The following CCDC178 variants were observed in gnomAD, a reference collection of about 807,000 sequenced individuals.
The protein encoded by CCDC178 is coiled-coil domain-containing protein 178.
Under a neutral mutation model 117.4 loss-of-function variants are expected in CCDC178, and 126 were observed. The observed-to-expected ratio is 1.07, with a 90% CI of 0.93 to 1.24. The LOEUF (loss-of-function observed/expected upper bound fraction) is 1.24. Among genes scored for constraint, CCDC178 ranks in the 50% most tolerant of loss-of-function variants. The probability of loss-of-function intolerance (pLI) is 0.00; values close to 1 mark genes in which losing one functional copy is unlikely to be tolerated. For synonymous variants in CCDC178, 283 were observed against 313.4 expected (o/e 0.90, Z 1.02); for missense variants, 1,030 against 986.9 (o/e 1.04, Z -0.59).
At chr18:33,254,849 C>T (rs193296297) in intron 14 of CCDC178, among the ~76,000 whole-genome samples, 2 of 152,050 alleles carry the variant, frequency 1.3e-5, no homozygotes, top group Non-Finnish European at 2.9e-5. Flanking sequence ...TAGGCTAGAA[C>T]ATAAGGATTG....
chr18:33,149,609 T>C (rs1005116942), intron 20 of CCDC178, among the ~76,000 whole-genome samples: 7 of 152,124 alleles, frequency 4.6e-5, no homozygotes, highest in African/African-American at 1.7e-4. Context: ...ACACTGAAAG[T>C]AGAGGAATAA....
At chr18:33,354,899 C>T (rs368656862) in intron 7 of CCDC178, among the ~76,000 whole-genome samples, 3 of 152,134 alleles carry the variant, frequency 2.0e-5, no homozygotes, top group East Asian at 1.9e-4. Flanking sequence ...CATGAGCCAC[C>T]GCACCCAGCC....
At chr18:33,371,651 G>C (rs955561822) in intron 5 of CCDC178, among the ~76,000 whole-genome samples, 2 of 151,842 alleles carry the variant, frequency 1.3e-5, no homozygotes, top group Admixed American at 1.3e-4. Flanking sequence ...CATTTTGAAT[G>C]CTCCTTCATA....
At chr18:33,050,038 G>A (rs1217281393) in intron 21 of CCDC178, among the ~76,000 whole-genome samples, 1 of 152,016 alleles carries the variant, frequency 6.6e-6, no homozygotes. Context: ...CTGAGATCCT[G>A]CCACTGCACT....
At chr18:33,223,849 C>T (rs527990679) in intron 17 of CCDC178, among the ~76,000 whole-genome samples, 1 of 152,056 alleles carries the variant, frequency 6.6e-6, no homozygotes, top group Admixed American at 6.6e-5. Context: ...GTTATACATT[C>T]TTTGCAGGAG....
At chr18:32,946,511 C>T (rs1235005766) in intron 22 of CCDC178, among the ~76,000 whole-genome samples, 1 of 152,078 alleles carries the variant, frequency 6.6e-6, no homozygotes, top group Non-Finnish European at 1.5e-5. Context: ...TTGTTATTTT[C>T]TACAAAAGTT....
chr18:33,262,532 A>C (rs1202156017), intron 14 of CCDC178, among the ~76,000 whole-genome samples: 1 of 152,298 alleles, frequency 6.6e-6, no homozygotes, highest in East Asian at 1.9e-4. Flanking sequence ...ACAGTCCTCA[A>C]CTGAGTCAAA....
chr18:33,432,843 T>A (rs2144975094), intron 2 of CCDC178, among the ~76,000 whole-genome samples: 1 of 152,340 alleles, frequency 6.6e-6, no homozygotes, highest in East Asian at 1.9e-4. Context: ...TACTGTCTGT[T>A]AAGGAACTAA....
chr18:33,268,031 T>A lies in CCDC178; in HGVS notation c.1177-734A>T, dbSNP rs1405908290. Reference sequence around the variant, plus strand: ...CTCTTATTAAAAATCCTAAATCAAGTTTCACATGAAAAGGATGATTTGTTA... The same window carrying A: ...CTCTTATTAAAAATCCTAAATCAAGATTCACATGAAAAGGATGATTTGTTA... On this transcript the variant is annotated intron_variant, in intron 12 of 22. Coordinates refer to ENST00000383096, the MANE Select transcript of CCDC178 (RefSeq NM_001105528.4). 3.3e-5 allele frequency among the ~76,000 whole-genome samples: 5 copies of A among 151,632 alleles called. No homozygotes were observed. In the South Asian group the frequency reaches 8.3e-4, roughly 25 times the overall value.
At chr18:32,951,324 G>T (rs1490441885) in intron 22 of CCDC178, among the ~76,000 whole-genome samples, 2 of 152,104 alleles carry the variant, frequency 1.3e-5, no homozygotes, top group African/African-American at 2.4e-5. Flanking sequence ...ACCCAAAACT[G>T]GGTAATTTAT....
chr18:33,205,026 C>G (rs1445720423), intron 20 of CCDC178, among the ~76,000 whole-genome samples: 1 of 151,862 alleles, frequency 6.6e-6, no homozygotes, highest in African/African-American at 2.4e-5. Flanking sequence ...TGATTTATGA[C>G]TTTGATAATT....
intron 14 of CCDC178, among the ~76,000 whole-genome samples, chr18:33,262,801 G>T (rs1325710102): frequency 1.3e-5 from 2 of 152,092 alleles, no homozygotes; most frequent in Non-Finnish European, 2.9e-5. Flanking sequence ...ATTTGTAATT[G>T]TTATTATTTG....
intron 22 of CCDC178, among the ~76,000 whole-genome samples, chr18:32,951,635 T>C (rs1203669801): frequency 6.6e-6 from 1 of 152,172 alleles, no homozygotes. Context: ...AACCATATCA[T>C]TCTGCCCCAG....
intron 15 of CCDC178, among the ~76,000 whole-genome samples, chr18:33,239,407 C>A (rs1378085487): frequency 6.6e-6 from 1 of 151,272 alleles, no homozygotes; most frequent in African/African-American, 2.4e-5. Context: ...AAGATATAGA[C>A]CAACTGGATT....
intron 22 of CCDC178, chr18:32,938,392 A>AAAG (rs1471526750): frequency 1.7e-5 from 4 of 229,146 alleles, no homozygotes; most frequent in Non-Finnish European, 2.5e-5. Context: ...GTCCCATTAC[A>AAAG]AAGATTTTAG....
intron 21 of CCDC178, among the ~76,000 whole-genome samples, chr18:33,017,515 C>T (rs936638917): frequency 2.6e-5 from 4 of 151,850 alleles, no homozygotes; most frequent in Non-Finnish European, 3.0e-5. Context: ...GCAATACTTC[C>T]GAAATTCATC....
intron 6 of CCDC178, among the ~76,000 whole-genome samples, chr18:33,367,169 A>G (rs988928814): frequency 1.3e-5 from 2 of 152,112 alleles, no homozygotes; most frequent in Admixed American, 1.3e-4. Context: ...TGATGTTTTG[A>G]TCCAGGCATG....
intron 20 of CCDC178, among the ~76,000 whole-genome samples, chr18:33,211,289 T>C (rs573107908): frequency 6.6e-6 from 1 of 151,996 alleles, no homozygotes; most frequent in South Asian, 2.1e-4. Context: ...TTCATTACAA[T>C]TAAATGTAAC....
chr18:33,117,628 G>A, intron 20 of CCDC178, among the ~76,000 whole-genome samples: 1 of 151,806 alleles, frequency 6.6e-6, no homozygotes, highest in East Asian at 2.0e-4. Context: ...TGTAAATGAT[G>A]AGTTAATGGG....
Sources: gnomAD v4.1 joint callset for allele counts (sites outside exome capture counted in the v4.1 genomes callset) on GRCh38, gnomAD v4.1.1 for gene constraint, MANE v1.5 for transcripts, NCBI Gene and HGNC (gene_info 2026-07-23, HGNC 2026-07-21) for gene names.